RIMS2: variants seen among roughly 807,000 people sequenced by gnomAD.
The protein encoded by RIMS2 is regulating synaptic membrane exocytosis 2, also known as regulating synaptic membrane exocytosis protein 2.
Under a neutral mutation model 174.4 loss-of-function variants are expected in RIMS2, and 59 were observed. The observed-to-expected ratio is 0.34, with a 90% CI of 0.27 to 0.42. The LOEUF (loss-of-function observed/expected upper bound fraction) is 0.42. Among genes scored for constraint, RIMS2 ranks in the 10% least tolerant of loss-of-function variants. RIMS2 has a pLI of 1.00. For synonymous variants in RIMS2, 606 were observed against 572.5 expected (o/e 1.06, Z -0.84); for missense variants, 1,620 against 1,666.3 (o/e 0.97, Z 0.48).
At chr8:104,181,049 A>T (rs759348444) in intron 19 of RIMS2, among the ~76,000 whole-genome samples, 4 of 151,758 alleles carry the variant, frequency 2.6e-5, no homozygotes, top group Non-Finnish European at 5.9e-5. Context: ...AAGGCTTCAT[A>T]GTCAAATAAG....
At chr8:103,921,040 AAC>A (rs1491498946) in intron 9 of RIMS2, 2 of 223,132 alleles carry the variant, frequency 9.0e-6, no homozygotes, top group Non-Finnish European at 1.8e-5. Context: ...CAACAACAAC[AAC>A]AACAAAAACA....
At chr8:104,005,641 G>A (rs1420962862) in intron 17 of RIMS2, among the ~76,000 whole-genome samples, 1 of 152,126 alleles carries the variant, frequency 6.6e-6, no homozygotes, top group Non-Finnish European at 1.5e-5. Context: ...TTACTTGATA[G>A]CCAAGAATCA....
intron 3 of RIMS2, among the ~76,000 whole-genome samples, chr8:103,794,726 C>G (rs914817857): frequency 1.3e-5 from 2 of 152,092 alleles, no homozygotes; most frequent in African/African-American, 4.8e-5. Context: ...AGTACTTAAA[C>G]AAATTTACAA....
At chr8:103,690,025 A>G (rs1188255573) in intron 1 of RIMS2, among the ~76,000 whole-genome samples, 1 of 149,860 alleles carries the variant, frequency 6.7e-6, no homozygotes. Context: ...CAGTGGCGTA[A>G]TCTCAGCTCA....
chr8:103,833,697 A>G (rs80332032), intron 3 of RIMS2, among the ~76,000 whole-genome samples: 23,904 of 151,874 alleles, frequency 0.16, 1,983 homozygotes, highest in Middle Eastern at 0.24. Flanking sequence ...ATTTCCATTT[A>G]TTTTTTATAG....
chr8:104,016,553 C>A (rs1389078643), intron 19 of RIMS2, among the ~76,000 whole-genome samples: 1 of 151,920 alleles, frequency 6.6e-6, no homozygotes, highest in African/African-American at 2.4e-5. Flanking sequence ...GACTTCACAG[C>A]ATTTTTATAG....
chr8:104,247,254 G>A (rs558091156), intron 20 of RIMS2, among the ~76,000 whole-genome samples: 35 of 152,310 alleles, frequency 2.3e-4, no homozygotes, highest in African/African-American at 8.2e-4. Context: ...TTAAAAAGCA[G>A]GAATCTATTT....
At chr8:103,871,629 GT>G (rs963694126) in intron 3 of RIMS2, among the ~76,000 whole-genome samples, 7 of 151,528 alleles carry the variant, frequency 4.6e-5, no homozygotes, top group African/African-American at 7.3e-5. Context: ...ATTTACAAAG[GT>G]TTTTTTTAAT....
intron 19 of RIMS2, among the ~76,000 whole-genome samples, chr8:104,227,013 A>G (rs573119779): frequency 1.3e-5 from 2 of 152,242 alleles, no homozygotes; most frequent in East Asian, 3.9e-4. Context: ...TAATTTCATG[A>G]TAATTTTTCA....
chr8:103,595,532 C>T (rs796596556), intron 1 of RIMS2, among the ~76,000 whole-genome samples: 23 of 151,990 alleles, frequency 1.5e-4, no homozygotes, highest in African/African-American at 5.1e-4. Context: ...GATAGACTTA[C>T]TCTCAAATCT....
intron 19 of RIMS2, among the ~76,000 whole-genome samples, chr8:104,108,069 TTTGGTTGG>T (rs926738305): frequency 6.7e-6 from 1 of 149,262 alleles, no homozygotes; most frequent in African/African-American, 2.5e-5. Flanking sequence ...TTAGGAACAA[TTTGGTTGG>T]TTGGTTGGTT....
chr8:103,695,348 A>C (rs917869411), intron 1 of RIMS2, among the ~76,000 whole-genome samples: 4 of 151,840 alleles, frequency 2.6e-5, no homozygotes, highest in African/African-American at 9.7e-5. Flanking sequence ...GTCTCCATTG[A>C]TTTTTTTCAT....
intron 3 of RIMS2, among the ~76,000 whole-genome samples, chr8:103,799,282 A>C (rs1248219391): frequency 6.6e-6 from 1 of 152,158 alleles, no homozygotes; most frequent in East Asian, 1.9e-4. Flanking sequence ...TGAACCATTT[A>C]ATTGGTGGTA....
intron 2 of RIMS2, among the ~76,000 whole-genome samples, chr8:103,762,938 G>A (rs1472161458): frequency 6.6e-6 from 1 of 152,090 alleles, no homozygotes; most frequent in Non-Finnish European, 1.5e-5. Flanking sequence ...AAAAGGCATG[G>A]TAAAAATACG....
chr8:104,199,317 C>T (rs2099042462), intron 19 of RIMS2, among the ~76,000 whole-genome samples: 1 of 152,154 alleles, frequency 6.6e-6, no homozygotes, highest in Non-Finnish European at 1.5e-5. Flanking sequence ...CCACCTCGGC[C>T]TCCCAAAGTG....
intron 15 of RIMS2, among the ~76,000 whole-genome samples, chr8:103,966,984 A>G (rs1001134765): frequency 6.6e-6 from 1 of 151,780 alleles, no homozygotes; most frequent in Non-Finnish European, 1.5e-5. Flanking sequence ...AAAATTTGCT[A>G]AGGTGTGTTT....
chr8:103,599,879 C>T (rs2094638787), intron 1 of RIMS2, among the ~76,000 whole-genome samples: 2 of 152,050 alleles, frequency 1.3e-5, no homozygotes, highest in Admixed American at 6.6e-5. Flanking sequence ...AAGCCTTTAT[C>T]CTTTGTGTTA....
chr8:103,746,646 T>C (rs6985107), intron 2 of RIMS2, among the ~76,000 whole-genome samples: 34,967 of 151,986 alleles, frequency 0.23, 4,345 homozygotes, highest in Non-Finnish European at 0.25. Flanking sequence ...TGTTGTTCTC[T>C]TCTATGTGTT....
At chr8:104,092,957 T>A (rs1234598085) in intron 19 of RIMS2, among the ~76,000 whole-genome samples, 1 of 151,956 alleles carries the variant, frequency 6.6e-6, no homozygotes, top group East Asian at 1.9e-4. Flanking sequence ...ATAATGACTT[T>A]TTCTAGTATT....
Sources: allele counts gnomAD v4.1 joint callset (sites outside exome capture counted in the v4.1 genomes callset), GRCh38; gene constraint gnomAD v4.1.1; transcripts MANE v1.5; gene names NCBI Gene and HGNC (gene_info 2026-07-23, HGNC 2026-07-21).